The following KCNT2 variants were observed in gnomAD, a reference collection of about 807,000 sequenced individuals.
KCNT2 encodes the protein potassium sodium-activated channel subfamily T member 2.
Under a neutral mutation model 153.8 loss-of-function variants are expected in KCNT2, and 67 were observed. The ratio of observed to expected loss-of-function variants is 0.44; its 90% CI spans 0.36 to 0.53. KCNT2 has a LOEUF of 0.53. Ranked by LOEUF, KCNT2 falls within the 20% of genes least tolerant of loss-of-function variation. The pLI is 0.00. For synonymous variants in KCNT2, 500 were observed against 458.8 expected, an observed-to-expected ratio of 1.09 and a Z score of -1.15; for missense variants, 975 against 1,354.8, an observed-to-expected ratio of 0.72 and a Z score of 4.40.
chr1:196,276,522 G>A (rs1278274050), intron 25 of KCNT2, among the ~76,000 whole-genome samples: 1 of 151,758 alleles, frequency 6.6e-6, no homozygotes, highest in African/African-American at 2.4e-5. Flanking sequence ...TTATGCTTGG[G>A]GGTCTTTACA....
At chr1:196,403,383 C>T (rs1165325145) in intron 12 of KCNT2, among the ~76,000 whole-genome samples, 1 of 151,396 alleles carries the variant, frequency 6.6e-6, no homozygotes, top group Non-Finnish European at 1.5e-5. Flanking sequence ...TCAGTGGTTG[C>T]CAGGTTGGGG....
At position 196,226,280 on chromosome 1, in the gene KCNT2, T is replaced by C. The variant is rs1010307782; in HGVS notation, c.*1944A>G. On this transcript the variant is annotated 3_prime_UTR_variant, in exon 28 of 28. Transcript: ENST00000294725. ...TAAAAAAAGTCAACTTAAAGAAACA[T>C]CATACTTGACTCTTGATATGCAAAT... The C allele has an allele frequency of 1.3e-5, 2 of 152,036 alleles. No homozygotes were observed. Among genetic ancestry groups the C allele is most frequent in the Non-Finnish European group, 2.9e-5 (2 of 67,894 alleles). The allele number at this position is 152,036 out of a possible 1,614,324, so 9.4% of individuals were successfully genotyped here. A position where few individuals can be genotyped will look rare whatever the true frequency, so the allele number is the denominator to read the frequency against.
At chr1:196,421,200 T>C (rs1673173909) in intron 12 of KCNT2, among the ~76,000 whole-genome samples, 1 of 152,040 alleles carries the variant, frequency 6.6e-6, no homozygotes, top group Non-Finnish European at 1.5e-5. Context: ...GTTGTCCCTA[T>C]AGGTATAAAT....
intron 1 of KCNT2, among the ~76,000 whole-genome samples, chr1:196,495,835 T>C (rs1414565917): frequency 6.6e-6 from 1 of 152,222 alleles, no homozygotes; most frequent in Non-Finnish European, 1.5e-5. Flanking sequence ...ATTCCAATCA[T>C]TATTAGGTGG....
intron 26 of KCNT2, among the ~76,000 whole-genome samples, chr1:196,238,245 C>T (rs1014470320): frequency 1.3e-5 from 2 of 151,822 alleles, no homozygotes; most frequent in African/African-American, 4.8e-5. Flanking sequence ...TATCGGTGAC[C>T]TGGCTTGCCT....
intron 25 of KCNT2, among the ~76,000 whole-genome samples, chr1:196,262,806 C>T (rs1657149985): frequency 6.6e-6 from 1 of 151,952 alleles, no homozygotes; most frequent in South Asian, 2.1e-4. Flanking sequence ...ATCTTATAGT[C>T]TAAAAAATGT....
intron 4 of KCNT2, among the ~76,000 whole-genome samples, chr1:196,481,020 A>T (rs1349000366): frequency 6.6e-6 from 1 of 152,166 alleles, no homozygotes; most frequent in Non-Finnish European, 1.5e-5. Flanking sequence ...GATAGCTCAG[A>T]GATTAAAATA....
intron 13 of KCNT2, among the ~76,000 whole-genome samples, chr1:196,380,231 G>A (rs1387997480): frequency 6.6e-6 from 1 of 152,136 alleles, no homozygotes; most frequent in Admixed American, 6.5e-5. Flanking sequence ...AGAAGCATAT[G>A]ACTTTTAAAA....
chr1:196,250,495 A>G (rs1296019244), intron 26 of KCNT2, among the ~76,000 whole-genome samples: 1 of 152,208 alleles, frequency 6.6e-6, no homozygotes, highest in Non-Finnish European at 1.5e-5. Context: ...TTCAAGAGTT[A>G]AATTTAAGAC....
rs113595872 is a variant in KCNT2, at chr1:196,324,059, C to A, written c.2276+2658G>T. ...CATTCTTAACCAAAGGAACAGAGGA[C>A]AACAAATAAGAATATTCGACAATAC... is the stretch of plus-strand genomic sequence containing the variant. On this transcript the variant is annotated intron_variant, in intron 19 of 27. Coordinates refer to ENST00000294725, the MANE Select transcript of KCNT2 (RefSeq NM_198503.5). Among the ~76,000 whole-genome samples, 526 of 151,326 alleles carry A rather than the reference C, an allele frequency of 3.5e-3. 2 individuals are homozygous for A. The highest frequency in any genetic ancestry group is 0.012 in the African/African-American group (506 of 41,304).
intron 17 of KCNT2, among the ~76,000 whole-genome samples, 159 bp from the exon 18 acceptor site, chr1:196,331,420 T>C (rs1664448710): frequency 6.6e-6 from 1 of 152,098 alleles, no homozygotes; most frequent in African/African-American, 2.4e-5. Flanking sequence ...GTAGGCAAAC[T>C]GTGGCCCCAG....
At chr1:196,602,240 A>G (rs1405112258) in intron 1 of KCNT2, among the ~76,000 whole-genome samples, 1 of 152,236 alleles carries the variant, frequency 6.6e-6, no homozygotes, top group African/African-American at 2.4e-5. Flanking sequence ...AATTGTAAGT[A>G]TATAAAGCAA....
intron 1 of KCNT2, among the ~76,000 whole-genome samples, chr1:196,581,936 A>C (rs1023360224): frequency 6.6e-6 from 1 of 152,096 alleles, no homozygotes; most frequent in Non-Finnish European, 1.5e-5. Context: ...ACATTTCAGG[A>C]AAATTATGTC....
intron 27 of KCNT2, among the ~76,000 whole-genome samples, chr1:196,230,052 G>T (rs1417576588): frequency 6.6e-6 from 1 of 151,958 alleles, no homozygotes; most frequent in Non-Finnish European, 1.5e-5. Flanking sequence ...TGATGAAGGT[G>T]GCTAAATTAA....
chr1:196,346,929 A>AT (rs1359078511), intron 14 of KCNT2, among the ~76,000 whole-genome samples: 2 of 152,106 alleles, frequency 1.3e-5, no homozygotes, highest in Non-Finnish European at 2.9e-5. Context: ...AAAAATATTT[A>AT]TTTAATGAAA....
At chr1:196,289,372 T>C (rs1007383499) in intron 22 of KCNT2, among the ~76,000 whole-genome samples, 1 of 152,132 alleles carries the variant, frequency 6.6e-6, no homozygotes, top group Admixed American at 6.5e-5. Flanking sequence ...TAATAATCTA[T>C]CTCAGCTAGA....
At position 196,544,651 on chromosome 1, in the gene KCNT2, T is replaced by C. The variant is rs1473030005; in HGVS notation, c.96-52310A>G. On this transcript the variant is annotated intron_variant, in intron 1 of 27. Transcript: ENST00000294725. Reference sequence around the variant, plus strand: ...GGAAACAAATTGATTTGAAATTGAGTTGCTGGATGTTAGAAATGCTTGGAT... The same window carrying C: ...GGAAACAAATTGATTTGAAATTGAGCTGCTGGATGTTAGAAATGCTTGGAT... 2.6e-5 allele frequency among the ~76,000 whole-genome samples: 4 copies of C among 152,186 alleles called. No homozygotes were observed. In the South Asian group the frequency reaches 6.2e-4, roughly 24 times the overall value.
At chr1:196,417,831 T>A (rs911442880) in intron 12 of KCNT2, among the ~76,000 whole-genome samples, 89 of 152,100 alleles carry the variant, frequency 5.9e-4, no homozygotes, top group African/African-American at 2.1e-3. Flanking sequence ...TTAGTCGACA[T>A]CATCACAAAC....
intron 1 of KCNT2, among the ~76,000 whole-genome samples, chr1:196,568,190 G>C (rs1660332638): frequency 6.6e-6 from 1 of 152,064 alleles, no homozygotes; most frequent in Non-Finnish European, 1.5e-5. Context: ...AGATGGTTTC[G>C]GGATGAAACT....
Sources: allele counts gnomAD v4.1 joint callset (sites outside exome capture counted in the v4.1 genomes callset), GRCh38; gene constraint gnomAD v4.1.1; transcripts MANE v1.5; gene names NCBI Gene and HGNC (gene_info 2026-07-23, HGNC 2026-07-21).